ROBO1: variants seen among roughly 807,000 people sequenced by gnomAD.
ROBO1 encodes roundabout homolog 1.
Under a neutral mutation model 195.9 loss-of-function variants are expected in ROBO1, and 149 were observed. That is an observed-to-expected ratio of 0.76 (90% CI 0.67 to 0.87). The LOEUF (loss-of-function observed/expected upper bound fraction) is 0.87. Ranked by LOEUF, ROBO1 falls within the 40% of genes least tolerant of loss-of-function variation. The probability of loss-of-function intolerance (pLI) is 0.00; values close to 1 mark genes in which losing one functional copy is unlikely to be tolerated. For missense variants in ROBO1, 1,933 were observed against 2,068.3 expected (o/e 0.93, Z 1.27); for synonymous variants, 816 against 733.2 (o/e 1.11, Z -1.82).
chr3:79,162,993 T>C, intron 2 of ROBO1, among the ~76,000 whole-genome samples: 1 of 152,142 alleles, frequency 6.6e-6, no homozygotes, highest in East Asian at 1.9e-4. Context: ...CCTCACTTTT[T>C]AAATATTATT....
intron 2 of ROBO1, among the ~76,000 whole-genome samples, chr3:79,180,852 G>T (rs2081328247): frequency 1.3e-5 from 2 of 152,078 alleles, no homozygotes; most frequent in African/African-American, 4.8e-5. Flanking sequence ...TGTGCAGTTG[G>T]AGGGGGTGGG....
rs918540211 is a variant in ROBO1 at position 78,597,387 on chromosome 3, T to C, written c.*1526A>G. ...ATCACATGGATTGTTCCCTTAGTAC[T>C]GCACGCCTTTTCTATGGAACTTTTT... is the stretch of plus-strand genomic sequence containing the variant. On this transcript the variant is annotated 3_prime_UTR_variant, in exon 31 of 31. Coordinates refer to ENST00000464233, the MANE Select transcript of ROBO1 (RefSeq NM_002941.4). 2.6e-5 allele frequency: 4 copies of C among 152,618 alleles called. No homozygotes were observed. Among genetic ancestry groups the C allele is most frequent in the African/African-American group, 9.6e-5 (4 of 41,458 alleles). 9.5% of individuals were successfully genotyped at this position (152,618 alleles called of 1,614,324 possible).
intron 2 of ROBO1, among the ~76,000 whole-genome samples, chr3:79,420,141 A>G (rs1411929802): frequency 6.6e-6 from 1 of 152,136 alleles, no homozygotes; most frequent in Non-Finnish European, 1.5e-5. Context: ...TCCTACCTGA[A>G]CAGGTGTTTC....
At chr3:79,645,494 T>C (rs767649929) in intron 1 of ROBO1, among the ~76,000 whole-genome samples, 12 of 152,012 alleles carry the variant, frequency 7.9e-5, no homozygotes, top group Non-Finnish European at 1.6e-4. Flanking sequence ...AATTTGAAAC[T>C]CTGTCTCTAA....
chr3:79,671,503 T>C (rs1410068945), intron 1 of ROBO1, among the ~76,000 whole-genome samples: 1 of 151,928 alleles, frequency 6.6e-6, no homozygotes, highest in Non-Finnish European at 1.5e-5. Flanking sequence ...AGTACATTCT[T>C]GGAAATAGTG....
intron 8 of ROBO1, among the ~76,000 whole-genome samples, chr3:78,708,577 A>G (rs998265581): frequency 2.6e-5 from 4 of 152,148 alleles, no homozygotes; most frequent in African/African-American, 9.7e-5. Context: ...GCATCTAATA[A>G]ATACGTAATG....
intron 3 of ROBO1, among the ~76,000 whole-genome samples, chr3:79,084,197 A>T (rs1309183524): frequency 1.3e-5 from 2 of 152,212 alleles, no homozygotes; most frequent in African/African-American, 4.8e-5. Context: ...AAGTTTTCTC[A>T]TCTGTTTAAA....
chr3:79,273,281 T>G (rs980895546), intron 2 of ROBO1, among the ~76,000 whole-genome samples: 1 of 151,938 alleles, frequency 6.6e-6, no homozygotes, highest in Non-Finnish European at 1.5e-5. Flanking sequence ...AATGAACATA[T>G]CAAAAACAAT....
chr3:79,151,611 C>T (rs568614325), intron 2 of ROBO1, among the ~76,000 whole-genome samples: 1 of 151,768 alleles, frequency 6.6e-6, no homozygotes, highest in Non-Finnish European at 1.5e-5. Context: ...TAGTTTTCTG[C>T]TTATAACTTT....
chr3:79,299,981 T>C (rs943515216), intron 2 of ROBO1, among the ~76,000 whole-genome samples: 2 of 152,176 alleles, frequency 1.3e-5, no homozygotes. Context: ...ATACCTGAAA[T>C]ATTAAATAAA....
At chr3:78,788,750 A>C (rs953985181) in intron 4 of ROBO1, among the ~76,000 whole-genome samples, 1 of 152,118 alleles carries the variant, frequency 6.6e-6, no homozygotes, top group African/African-American at 2.4e-5. Flanking sequence ...AAAATATTAG[A>C]GCTTTTTATT....
intron 9 of ROBO1, among the ~76,000 whole-genome samples, chr3:78,686,380 C>A (rs2081052387): frequency 6.6e-6 from 1 of 151,848 alleles, no homozygotes; most frequent in African/African-American, 2.4e-5. Context: ...CACGGTGAAA[C>A]CCTGTCTCTA....
intron 3 of ROBO1, among the ~76,000 whole-genome samples, chr3:79,092,249 C>G (rs956772257): frequency 4.6e-5 from 7 of 152,122 alleles, no homozygotes; most frequent in African/African-American, 1.7e-4. Flanking sequence ...GATCTTGTCC[C>G]GAAGATCGCA....
At chr3:79,170,118 G>A (rs1164474058) in intron 2 of ROBO1, among the ~76,000 whole-genome samples, 1 of 152,054 alleles carries the variant, frequency 6.6e-6, no homozygotes, top group Non-Finnish European at 1.5e-5. Flanking sequence ...TCCTAGTGTA[G>A]GGCTCTTTCA....
At position 78,630,078 on chromosome 3, in the gene ROBO1, C is replaced by T. The variant is rs546374979; in HGVS notation, c.3626+1083G>A. On this transcript the variant is annotated intron_variant, in intron 25 of 30. Transcript: ENST00000464233. The stretch of plus-strand genomic sequence containing the variant: ...AATGTGCCTTAAAGAAATATATCTA[C>T]GAAATCAGCTTTGCTGAGGCATGGC... 1.9e-3 allele frequency among the ~76,000 whole-genome samples: 286 copies of T among 152,218 alleles called. 3 individuals are homozygous for T. Among genetic ancestry groups the T allele is most frequent in the African/African-American group, 6.4e-3 (265 of 41,540 alleles).
chr3:78,693,911 A>C (rs2107877716), intron 8 of ROBO1, among the ~76,000 whole-genome samples: 1 of 152,314 alleles, frequency 6.6e-6, no homozygotes, highest in East Asian at 1.9e-4. Context: ...ACAGATTATG[A>C]TTCTACAGGT....
At chr3:79,421,026 G>C (rs895610351) in intron 2 of ROBO1, among the ~76,000 whole-genome samples, 3 of 152,092 alleles carry the variant, frequency 2.0e-5, no homozygotes, top group Non-Finnish European at 4.4e-5. Flanking sequence ...ATACACCATG[G>C]AATACTATGT....
At chr3:79,421,399 C>A (rs1375230641) in intron 2 of ROBO1, among the ~76,000 whole-genome samples, 7 of 151,902 alleles carry the variant, frequency 4.6e-5, no homozygotes, top group Non-Finnish European at 7.4e-5. Flanking sequence ...AAAAGAGAGA[C>A]CTTACAGCAT....
intron 4 of ROBO1, among the ~76,000 whole-genome samples, chr3:78,764,423 G>A (rs1576116979): frequency 6.6e-6 from 1 of 152,036 alleles, no homozygotes; most frequent in Non-Finnish European, 1.5e-5. Context: ...AAAACAAACA[G>A]CATTTTATTA....
Sources: allele counts gnomAD v4.1 joint callset (sites outside exome capture counted in the v4.1 genomes callset), GRCh38; gene constraint gnomAD v4.1.1; transcripts MANE v1.5; gene names NCBI Gene and HGNC (gene_info 2026-07-23, HGNC 2026-07-21).